TAS2R1: variants seen among roughly 807,000 people sequenced by gnomAD.
The protein encoded by TAS2R1 is taste 2 receptor member 1.
For synonymous variants in TAS2R1, 141 were observed against 134.2 expected (o/e 1.05, Z -0.35); for missense variants, 370 against 353.4 (o/e 1.05, Z -0.38).
intron 2 of TAS2R1, among the ~76,000 whole-genome samples, chr5:9,649,751 T>C (rs1377692335): frequency 2.6e-5 from 4 of 152,210 alleles, no homozygotes; most frequent in Non-Finnish European, 5.9e-5. Context: ...CTATGCAAAG[T>C]GCATCCACTT....
chr5:9,875,971 C>T, the TAS2R1 span, among the ~76,000 whole-genome samples: 2 of 152,162 alleles, frequency 1.3e-5, no homozygotes, highest in Non-Finnish European at 2.9e-5. Flanking sequence ...TGCATTGTAA[C>T]TCCCACTTTG....
At chr5:9,722,316 G>T in the TAS2R1 span, among the ~76,000 whole-genome samples, 14 of 152,200 alleles carry the variant, frequency 9.2e-5, no homozygotes, top group Non-Finnish European at 2.1e-4. Flanking sequence ...CATAGACACA[G>T]TGAAATAATA....
At chr5:9,720,749 A>T in the TAS2R1 span, among the ~76,000 whole-genome samples, 1 of 152,188 alleles carries the variant, frequency 6.6e-6, no homozygotes, top group Non-Finnish European at 1.5e-5. Flanking sequence ...GATGAGAGGG[A>T]AGGAGCAGAG....
the TAS2R1 span, among the ~76,000 whole-genome samples, chr5:9,839,224 G>T: frequency 6.6e-6 from 1 of 152,196 alleles, no homozygotes; most frequent in African/African-American, 2.4e-5. Flanking sequence ...ATGCAGGAGA[G>T]GGAGTGGGAA....
At chr5:9,817,803 G>T in the TAS2R1 span, among the ~76,000 whole-genome samples, 1 of 150,188 alleles carries the variant, frequency 6.7e-6, no homozygotes, top group Admixed American at 6.7e-5. Flanking sequence ...GAGGCTTCAG[G>T]AAACTTACAA....
chr5:9,829,285 A>G, the TAS2R1 span, among the ~76,000 whole-genome samples: 1 of 152,224 alleles, frequency 6.6e-6, no homozygotes, highest in South Asian at 2.1e-4. Context: ...CTTCTTAATC[A>G]TACACAGACC....
At chr5:9,872,233 C>G in the TAS2R1 span, among the ~76,000 whole-genome samples, 1 of 152,148 alleles carries the variant, frequency 6.6e-6, no homozygotes, top group Non-Finnish European at 1.5e-5. Context: ...AACAATGATG[C>G]AACAGCAGGC....
the TAS2R1 span, among the ~76,000 whole-genome samples, chr5:9,728,727 C>G: frequency 6.6e-6 from 1 of 152,178 alleles, no homozygotes; most frequent in African/African-American, 2.4e-5. Flanking sequence ...GCAAGTGGCA[C>G]GTCTGCAAGT....
chr5:9,653,518 T>C (rs542289281), intron 2 of TAS2R1, among the ~76,000 whole-genome samples: 1 of 152,312 alleles, frequency 6.6e-6, no homozygotes, highest in Non-Finnish European at 1.5e-5. Context: ...TCAGGCTTTT[T>C]GAGTGCAAAT....
At chr5:9,784,625 T>C in the TAS2R1 span, among the ~76,000 whole-genome samples, 1 of 152,142 alleles carries the variant, frequency 6.6e-6, no homozygotes, top group African/African-American at 2.4e-5. Context: ...ACAAAAGAAA[T>C]GTATTGCCTC....
the TAS2R1 span, among the ~76,000 whole-genome samples, chr5:9,855,681 C>G: frequency 6.6e-6 from 1 of 152,332 alleles, no homozygotes; most frequent in Admixed American, 6.5e-5. Flanking sequence ...CTGGCTTGAG[C>G]CATTTGAGTA....
the TAS2R1 span, among the ~76,000 whole-genome samples, chr5:9,901,278 T>C: frequency 6.6e-6 from 1 of 151,886 alleles, no homozygotes; most frequent in African/African-American, 2.4e-5. Context: ...CTAGAGATTG[T>C]AGGGGACAAA....
At chr5:9,674,444 T>C (rs1740830712) in intron 1 of TAS2R1, among the ~76,000 whole-genome samples, 1 of 152,276 alleles carries the variant, frequency 6.6e-6, no homozygotes, top group East Asian at 1.9e-4. Context: ...AAAAATTATA[T>C]ATGGTTAGAA....
the TAS2R1 span, among the ~76,000 whole-genome samples, chr5:9,880,497 T>C: frequency 1.3e-5 from 2 of 152,230 alleles, no homozygotes; most frequent in Non-Finnish European, 2.9e-5. Flanking sequence ...GGTTTCTCAA[T>C]ATCAACACTA....
the TAS2R1 span, among the ~76,000 whole-genome samples, chr5:9,795,011 T>C: frequency 6.6e-6 from 1 of 152,200 alleles, no homozygotes. Context: ...TGTATGGTGA[T>C]CAGATCAGGG....
At chr5:9,689,451 C>T (rs1741192342) in intron 1 of TAS2R1, among the ~76,000 whole-genome samples, 1 of 152,164 alleles carries the variant, frequency 6.6e-6, no homozygotes, top group African/African-American at 2.4e-5. Context: ...CCAGGTGATG[C>T]TGATTCGTGC....
the TAS2R1 span, among the ~76,000 whole-genome samples, chr5:9,837,342 A>G: frequency 2.6e-5 from 4 of 152,208 alleles, no homozygotes; most frequent in Non-Finnish European, 5.9e-5. Context: ...CAGAGGCCAC[A>G]TGGCAGCCCT....
At chr5:9,856,443 T>A in the TAS2R1 span, among the ~76,000 whole-genome samples, 1,405 of 152,276 alleles carry the variant, frequency 9.2e-3, 14 homozygotes, top group Non-Finnish European at 0.015. Context: ...AACTCCTCTC[T>A]CACATCTTTG....
chr5:9,667,094 A>G (rs185387455), intron 1 of TAS2R1, among the ~76,000 whole-genome samples: 1 of 152,288 alleles, frequency 6.6e-6, no homozygotes, highest in African/African-American at 2.4e-5. Context: ...GTTTTTTTCT[A>G]CAAATTTTAA....
Sources: gnomAD v4.1 joint callset for allele counts (sites outside exome capture counted in the v4.1 genomes callset) on GRCh38, gnomAD v4.1.1 for gene constraint, MANE v1.5 for transcripts, NCBI Gene and HGNC (gene_info 2026-07-23, HGNC 2026-07-21) for gene names.